SLC39A11: variants seen among roughly 807,000 people sequenced by gnomAD.
SLC39A11 encodes zinc transporter ZIP11.
Under a neutral mutation model 36.1 loss-of-function variants are expected in SLC39A11, and 33 were observed. That is an observed-to-expected ratio of 0.91 (90% CI 0.69 to 1.22). SLC39A11 has a LOEUF of 1.22. SLC39A11 is among the 50% of genes most tolerant of loss of function. SLC39A11 has a pLI of 0.00. For missense variants in SLC39A11, 432 were observed against 430.3 expected, an observed-to-expected ratio of 1.00 and a Z score of -0.03; for synonymous variants, 166 against 170.3, an observed-to-expected ratio of 0.97 and a Z score of 0.20.
intron 5 of SLC39A11, among the ~76,000 whole-genome samples, chr17:72,910,311 G>A (rs1016073622): frequency 2.0e-5 from 3 of 151,980 alleles, no homozygotes; most frequent in African/African-American, 7.2e-5. Flanking sequence ...TAAAATAAAA[G>A]TTGAAATTAT....
At chr17:72,858,187 T>C (rs2079760497) in intron 5 of SLC39A11, among the ~76,000 whole-genome samples, 1 of 152,212 alleles carries the variant, frequency 6.6e-6, no homozygotes, top group Non-Finnish European at 1.5e-5. Flanking sequence ...TTAATTTCTA[T>C]ATATATGGCT....
chr17:73,036,085 C>CA (rs2058903934), intron 3 of SLC39A11, among the ~76,000 whole-genome samples: 2 of 152,256 alleles, frequency 1.3e-5, no homozygotes, highest in South Asian at 4.1e-4. Context: ...GCCCTGCTGC[C>CA]ACCTTGACTT....
chr17:72,810,932 G>A (rs2077415966), intron 6 of SLC39A11, among the ~76,000 whole-genome samples: 2 of 152,112 alleles, frequency 1.3e-5, no homozygotes, highest in Admixed American at 6.6e-5. Flanking sequence ...GACCTCAGGT[G>A]ATCTGCCTGC....
chr17:73,011,709 T>C (rs1219378789), intron 4 of SLC39A11, among the ~76,000 whole-genome samples: 1 of 150,604 alleles, frequency 6.6e-6, no homozygotes, highest in Non-Finnish European at 1.5e-5. Context: ...TTGCCCAGGC[T>C]GGAGTGCAGC....
At chr17:72,783,722 T>C (rs919195954) in intron 6 of SLC39A11, among the ~76,000 whole-genome samples, 1 of 152,186 alleles carries the variant, frequency 6.6e-6, no homozygotes, top group Non-Finnish European at 1.5e-5. Context: ...CATCAGCTTC[T>C]AAACGCAGGC....
intron 5 of SLC39A11, among the ~76,000 whole-genome samples, chr17:72,875,633 G>A (rs1243964826): frequency 6.6e-6 from 1 of 152,152 alleles, no homozygotes; most frequent in African/African-American, 2.4e-5. Flanking sequence ...CATTCATGTG[G>A]CTCTGGTTGA....
chr17:72,707,011 A>T (rs2072920050), intron 7 of SLC39A11, among the ~76,000 whole-genome samples: 1 of 152,234 alleles, frequency 6.6e-6, no homozygotes, highest in African/African-American at 2.4e-5. Context: ...AGCACCTGAA[A>T]TATGGTGAAT....
rs559344372 is a variant in SLC39A11 at position 72,946,676 on chromosome 17, C to G, written c.430+1076G>C. On this transcript the variant is annotated intron_variant, in intron 5 of 9. Coordinates refer to ENST00000255559, the MANE Select transcript of SLC39A11 (RefSeq NM_139177.4). ...AGCATCCTGGCATGGTTTTCGTCCC[C>G]GGGGTCTTGCAGGATTAAATGGGGA... 3.9e-5 allele frequency among the ~76,000 whole-genome samples: 6 copies of G among 152,222 alleles called. No homozygotes were observed. In the South Asian group the frequency reaches 1.2e-3, roughly 32 times the overall value.
At chr17:72,850,375 G>A (rs1343002836) in intron 5 of SLC39A11, among the ~76,000 whole-genome samples, 2 of 151,852 alleles carry the variant, frequency 1.3e-5, no homozygotes, top group Non-Finnish European at 2.9e-5. Context: ...GATGGCTTGA[G>A]CCCGGGAAGT....
intron 3 of SLC39A11, among the ~76,000 whole-genome samples, chr17:73,069,108 G>T (rs1054932638): frequency 6.6e-6 from 1 of 151,930 alleles, no homozygotes; most frequent in African/African-American, 2.4e-5. Context: ...TGCCTGTAAC[G>T]CATTTCCTTC....
At chr17:73,024,392 C>T (rs1473621023) in intron 4 of SLC39A11, among the ~76,000 whole-genome samples, 5 of 152,002 alleles carry the variant, frequency 3.3e-5, no homozygotes, top group African/African-American at 4.8e-5. Flanking sequence ...CGAAACGAGT[C>T]GGGCTTACTT....
chr17:72,719,748 C>T (rs777724698), intron 7 of SLC39A11, among the ~76,000 whole-genome samples: 4 of 152,160 alleles, frequency 2.6e-5, no homozygotes, highest in Admixed American at 2.0e-4. Context: ...ACAGAGTATA[C>T]GTTGTGCAGA....
chr17:72,981,594 C>CAAAAAA (rs11444135), intron 4 of SLC39A11, among the ~76,000 whole-genome samples: 1 of 131,260 alleles, frequency 7.6e-6, no homozygotes, highest in Non-Finnish European at 1.6e-5. Context: ...TATTTAAATG[C>CAAAAAA]AAAAAAAAAA....
intron 3 of SLC39A11, among the ~76,000 whole-genome samples, chr17:73,075,854 A>G (rs2060302661): frequency 6.6e-6 from 1 of 152,198 alleles, no homozygotes; most frequent in South Asian, 2.1e-4. Context: ...CTCTATCTCA[A>G]AAAAATCCCA....
intron 3 of SLC39A11, among the ~76,000 whole-genome samples, chr17:73,055,348 T>C (rs993226852): frequency 2.6e-5 from 4 of 152,092 alleles, no homozygotes; most frequent in Non-Finnish European, 5.9e-5. Context: ...AGCCTGAGGA[T>C]GTCTGCACAA....
At chr17:72,691,675 A>T (rs967414300) in intron 7 of SLC39A11, among the ~76,000 whole-genome samples, 11 of 152,248 alleles carry the variant, frequency 7.2e-5, no homozygotes, top group African/African-American at 2.2e-4. Flanking sequence ...AGAATTATTC[A>T]TAAGTGGAAA....
chr17:72,785,857 G>A (rs1479771270), intron 6 of SLC39A11, among the ~76,000 whole-genome samples: 10 of 152,178 alleles, frequency 6.6e-5, no homozygotes, highest in Non-Finnish European at 1.5e-4. Flanking sequence ...GATGCTAAAT[G>A]CATTTCACAT....
chr17:72,763,846 T>C (rs1213272711), intron 6 of SLC39A11, among the ~76,000 whole-genome samples: 2 of 152,118 alleles, frequency 1.3e-5, no homozygotes, highest in Non-Finnish European at 2.9e-5. Flanking sequence ...GACTTGGAGC[T>C]TAAAGAAATT....
chr17:72,946,707 T>C (rs1234662705), intron 5 of SLC39A11, among the ~76,000 whole-genome samples: 2 of 152,134 alleles, frequency 1.3e-5, no homozygotes, highest in Non-Finnish European at 2.9e-5. Context: ...GGGGAACTTC[T>C]ATATAAATCC....
Sources: allele counts gnomAD v4.1 joint callset (sites outside exome capture counted in the v4.1 genomes callset), GRCh38; gene constraint gnomAD v4.1.1; transcripts MANE v1.5; gene names NCBI Gene and HGNC (gene_info 2026-07-23, HGNC 2026-07-21).